Variants in IQCH observed in about 807,000 individuals in gnomAD.
The protein encoded by IQCH is IQ domain-containing protein H.
Under a neutral mutation model 117.0 loss-of-function variants are expected in IQCH, and 98 were observed. The ratio of observed to expected loss-of-function variants is 0.84; its 90% CI spans 0.71 to 0.99. The LOEUF (loss-of-function observed/expected upper bound fraction) is 0.99, where lower values mean the gene tolerates loss of function less well. Ranked by LOEUF, IQCH falls within the 50% of genes least tolerant of loss-of-function variation. The pLI, the probability that IQCH is intolerant of heterozygous loss-of-function variation, is 0.00. For missense variants in IQCH, 1,102 were observed against 1,243.8 expected, an observed-to-expected ratio of 0.89 and a Z score of 1.72; for synonymous variants, 412 against 448.2, an observed-to-expected ratio of 0.92 and a Z score of 1.02.
intron 4 of IQCH, among the ~76,000 whole-genome samples, chr15:67,314,731 T>C (rs191982585): frequency 6.6e-6 from 1 of 152,308 alleles, no homozygotes; most frequent in Admixed American, 6.5e-5. Flanking sequence ...CTCCAGGAGG[T>C]AGCCACCTTA....
rs1971153753 is a variant in IQCH at position 67,387,778 on chromosome 15, A to G, written c.1457-1053A>G. On this transcript the variant is annotated intron_variant, in intron 11 of 20. Transcript: ENST00000335894. This position sits in a 1 kb window ranked among gnomAD's most constrained non-coding sequence, Gnocchi z 4.8. ...CAGGTGGTTTTGTTCCCCTTTTTAC[A>G]GATGAAGAAATGAATGCTTAGAAAG... Among the ~76,000 whole-genome samples the G allele has an allele frequency of 6.6e-6, 1 of 152,206 alleles. No homozygotes were observed. Among genetic ancestry groups the G allele is most frequent in the Admixed American group, 6.5e-5 (1 of 15,282 alleles).
Position 67,447,627 on chromosome 15 carries a change from G to A in IQCH, c.2506-17500G>A, listed in dbSNP as rs1240787698. On this transcript the variant is annotated intron_variant, in intron 16 of 20. Coordinates refer to ENST00000335894, the MANE Select transcript of IQCH (RefSeq NM_001031715.3). This position sits in a 1 kb window ranked among gnomAD's most constrained non-coding sequence, Gnocchi z 5.3. ...CCCCACACCACAGAAGGAGGCTAGA[G>A]TGCTTGGAGTCCCCTGGGGTGAGCA... is the stretch of plus-strand genomic sequence containing the variant. 1.3e-5 allele frequency among the ~76,000 whole-genome samples: 2 copies of A among 152,170 alleles called. No homozygotes were observed. The highest frequency in any genetic ancestry group is 1.3e-4 in the Admixed American group (2 of 15,264).
At position 67,400,291 on chromosome 15, in the gene IQCH, A is replaced by G; in HGVS notation, c.2083A>G (p.Lys695Glu). 4.3e-6 allele frequency: 7 copies of G among 1,612,964 alleles called. No homozygotes were observed. Among genetic ancestry groups the G allele is most frequent in the African/African-American group, 1.3e-5 (1 of 75,002 alleles). ...SSRYGLEDWR[K>E]KWAQEPALVK... Reference sequence around the variant, plus strand: ...CAGATATGGCCTTGAAGACTGGAGAAAGAAATGGGCACAAGTGAGTATTCA... The same window carrying G: ...CAGATATGGCCTTGAAGACTGGAGAGAGAAATGGGCACAAGTGAGTATTCA... The change falls in exon 14 of 21, where the codon AAG (lysine) becomes GAG (glutamate). Residue 695 changes from lysine (K) to glutamate (E), a missense_variant. Transcript: ENST00000335894.
In IQCH at chr15:67,366,394, ATCT is replaced by A. The variant is rs1296404547; in HGVS notation, c.754-5712_754-5710del. Among the ~76,000 whole-genome samples the A allele has an allele frequency of 6.6e-6, 1 of 152,198 alleles. No homozygotes were observed. Among genetic ancestry groups the A allele is most frequent in the Non-Finnish European group, 1.5e-5 (1 of 68,036 alleles). ...TGAAAATAGACCATCTATTTACAAA[ATCT>A]TCTTGATTCTATTCTGTTTGATCTT... On this transcript the variant is annotated intron_variant, in intron 8 of 20. Transcript: ENST00000335894. The surrounding 1 kb of genome is among the most constrained non-coding windows in gnomAD (Gnocchi z 4.4).
chr15:67,486,291 G>A (rs913340547), intron 18 of IQCH, among the ~76,000 whole-genome samples: 7 of 151,816 alleles, frequency 4.6e-5, no homozygotes, highest in Non-Finnish European at 1.0e-4. Context: ...GCCCGCCTCG[G>A]CCTCCCAAAG....
At chr15:67,414,434 A>G (rs1555487854) in intron 14 of IQCH, among the ~76,000 whole-genome samples, 1 of 152,008 alleles carries the variant, frequency 6.6e-6, no homozygotes, top group Non-Finnish European at 1.5e-5. Flanking sequence ...GGAGTCAGCA[A>G]GGGGAGGCAG....
intron 16 of IQCH, among the ~76,000 whole-genome samples, chr15:67,461,251 A>G (rs557676944): frequency 1.3e-5 from 2 of 152,280 alleles, no homozygotes; most frequent in East Asian, 3.9e-4. Flanking sequence ...AGGTGTGAGA[A>G]CACATGGGCC....
rs2081569779 is a variant in IQCH at position 67,416,134 on chromosome 15, A to G, written c.2098-797A>G. 6.6e-6 allele frequency among the ~76,000 whole-genome samples: 1 copy of G among 152,112 alleles called. No homozygotes were observed. Among genetic ancestry groups the G allele is most frequent in the African/African-American group, 2.4e-5 (1 of 41,420 alleles). ...GCGGTGGCTCACACCTGTAATCCCA[A>G]CACTTTGGGAGGCCAAGGCGGGTGG... On this transcript the variant is annotated intron_variant, in intron 14 of 20. Transcript: ENST00000335894. The surrounding 1 kb of genome is among the most constrained non-coding windows in gnomAD (Gnocchi z 5.1).
In IQCH at chr15:67,481,190, G is replaced by A. The variant is rs2083328906; in HGVS notation, c.2799+5372G>A. 6.6e-6 allele frequency among the ~76,000 whole-genome samples: 1 copy of A among 152,148 alleles called. No individual in the cohort carries two copies. The highest frequency in any genetic ancestry group is 6.5e-5 in the Admixed American group (1 of 15,280). ...AACAAAGATTATGGCATCCAGTACT[G>A]TATTAGTCTGTTCTCATGCTGCTAT... On this transcript the variant is annotated intron_variant, in intron 18 of 20. Coordinates refer to ENST00000335894, the MANE Select transcript of IQCH (RefSeq NM_001031715.3). This position sits in a 1 kb window ranked among gnomAD's most constrained non-coding sequence, Gnocchi z 4.1.
At position 67,424,463 on chromosome 15, in the gene IQCH, A is replaced by T. The variant is rs1285545818; in HGVS notation, c.2505+2886A>T. ...ACTTATTTACATGACTATCTGATTA[A>T]TATTTTTCTCCTCCTATTAATTGTA... On this transcript the variant is annotated intron_variant, in intron 16 of 20. Coordinates refer to ENST00000335894, the MANE Select transcript of IQCH (RefSeq NM_001031715.3). This position sits in a 1 kb window ranked among gnomAD's most constrained non-coding sequence, Gnocchi z 4.9. Among the ~76,000 whole-genome samples, 23 of 152,334 alleles carry T rather than the reference A, an allele frequency of 1.5e-4. No individual in the cohort carries two copies. Among genetic ancestry groups the T allele is most frequent in the Non-Finnish European group, 4.4e-5 (3 of 68,032 alleles).
At position 67,485,357 on chromosome 15, in the gene IQCH, A is replaced by C. The variant is rs147397357; in HGVS notation, c.2800-4646A>C. 1.3e-4 allele frequency among the ~76,000 whole-genome samples: 20 copies of C among 152,318 alleles called. No homozygotes were observed. The East Asian group carries it at 3.7e-3, about 28-fold the overall frequency. ...GAACTAGAAAACAAGCCAGTAGAAA[A>C]AAATTCCAACTTACACACAGAGGGA... On this transcript the variant is annotated intron_variant, in intron 18 of 20. Transcript: ENST00000335894.
At position 67,387,904 on chromosome 15, in the gene IQCH, G is replaced by A. The variant is rs923836670; in HGVS notation, c.1457-927G>A. 7.2e-5 allele frequency among the ~76,000 whole-genome samples: 11 copies of A among 152,296 alleles called. No homozygotes were observed. In the South Asian group the frequency reaches 2.3e-3, roughly 32 times the overall value. On this transcript the variant is annotated intron_variant, in intron 11 of 20. Coordinates refer to ENST00000335894, the MANE Select transcript of IQCH (RefSeq NM_001031715.3). This position sits in a 1 kb window ranked among gnomAD's most constrained non-coding sequence, Gnocchi z 4.8. ...TCCTCTCTTTGCCCTGCTTGCCTAA[G>A]AAAACGTTTACAGTGCTCCCTCCTC...
At chr15:67,346,166 T>C (rs1969379002) in intron 6 of IQCH, among the ~76,000 whole-genome samples, 7 of 152,094 alleles carry the variant, frequency 4.6e-5, no homozygotes, top group Admixed American at 4.6e-4. Context: ...ACATTAATGA[T>C]AAAAGGATCA....
intron 4 of IQCH, among the ~76,000 whole-genome samples, chr15:67,335,756 C>T (rs1968864528): frequency 6.6e-6 from 1 of 152,154 alleles, no homozygotes; most frequent in African/African-American, 2.4e-5. Flanking sequence ...TCTGACTCAC[C>T]TGGGGAGAAA....
Position 67,431,273 on chromosome 15 carries a change from C to G in IQCH, c.2505+9696C>G, listed in dbSNP as rs553787876. ...AAACAAATAGATTGGCAAAGATGCT[C>G]TATATGAAAATTCCCAAATTAAAAA... On this transcript the variant is annotated intron_variant, in intron 16 of 20. Coordinates refer to ENST00000335894, the MANE Select transcript of IQCH (RefSeq NM_001031715.3). This position sits in a 1 kb window ranked among gnomAD's most constrained non-coding sequence, Gnocchi z 4.8. Among the ~76,000 whole-genome samples, 14 of 152,186 alleles carry G rather than the reference C, an allele frequency of 9.2e-5. No homozygotes were observed. The highest frequency in any genetic ancestry group is 1.3e-4 in the Admixed American group (2 of 15,288).
At chr15:67,373,107 C>T (rs552598611) in intron 9 of IQCH, among the ~76,000 whole-genome samples, 2 of 152,236 alleles carry the variant, frequency 1.3e-5, no homozygotes, top group Admixed American at 6.6e-5. Context: ...AATTAGTGCT[C>T]ACAATTTCAT....
intron 5 of IQCH, among the ~76,000 whole-genome samples, chr15:67,340,787 T>A (rs767015903): frequency 2.0e-5 from 3 of 152,224 alleles, no homozygotes; most frequent in Non-Finnish European, 4.4e-5. Flanking sequence ...AATTTATTAA[T>A]GCCATCTGGA....
intron 18 of IQCH, among the ~76,000 whole-genome samples, chr15:67,486,724 T>C (rs535864385): frequency 1.5e-4 from 23 of 152,334 alleles, no homozygotes; most frequent in Non-Finnish European, 3.1e-4. Context: ...TGGAGCAACG[T>C]TTTTTAAAAG....
rs555166939 is a variant in IQCH at position 67,479,927 on chromosome 15, G to A, written c.2799+4109G>A. On this transcript the variant is annotated intron_variant, in intron 18 of 20. Coordinates refer to ENST00000335894, the MANE Select transcript of IQCH (RefSeq NM_001031715.3). This position sits in a 1 kb window ranked among gnomAD's most constrained non-coding sequence, Gnocchi z 4.6. ...AGTTTATTTTTCCTTGACACATATG[G>A]GAAGGGAGCATTGCTGAGTTTGTAA... Among the ~76,000 whole-genome samples the A allele has an allele frequency of 6.6e-6, 1 of 152,316 alleles. No homozygotes were observed. Among genetic ancestry groups the A allele is most frequent in the African/African-American group, 2.4e-5 (1 of 41,574 alleles).
Sources: gnomAD v4.1 joint callset for allele counts (sites outside exome capture counted in the v4.1 genomes callset) on GRCh38, gnomAD v4.1.1 for gene constraint, Gnocchi (gnomAD v3.1) non-coding constraint, MANE v1.5 for transcripts, NCBI Gene and HGNC (gene_info 2026-07-23, HGNC 2026-07-21) for gene names.